Variants in MAGI3 observed in about 807,000 individuals in gnomAD.
MAGI3 encodes the protein membrane associated guanylate kinase, WW and PDZ domain containing 3, also known as membrane-associated guanylate kinase, WW and PDZ domain-containing protein 3.
A neutral mutation model predicts 121.8 loss-of-function variants in MAGI3; 43 were observed. That is an observed-to-expected ratio of 0.35 (90% CI 0.28 to 0.46). The LOEUF (loss-of-function observed/expected upper bound fraction) is 0.46, where lower values mean the gene tolerates loss of function less well. Among genes scored for constraint, MAGI3 ranks in the 20% least tolerant of loss-of-function variants. The pLI, the probability that MAGI3 is intolerant of heterozygous loss-of-function variation, is 1.00. For synonymous variants in MAGI3, 553 were observed against 639.3 expected, an observed-to-expected ratio of 0.86 and a Z score of 2.04; for missense variants, 1,547 against 1,797.3, an observed-to-expected ratio of 0.86 and a Z score of 2.52.
chr1:113,580,739 G>T (rs1647969596), intron 3 of MAGI3, 78 bp downstream of exon 3: 1 of 1,353,544 alleles, frequency 7.4e-7, no homozygotes, highest in African/African-American at 1.5e-5. Context: ...AATTTGACCA[G>T]TAAAGTACCA....
rs544687258 is a variant in MAGI3 at position 113,480,509 on chromosome 1, G to A, written c.317-69006G>A. Among the ~76,000 whole-genome samples the A allele has an allele frequency of 2.6e-5, 4 of 152,330 alleles. No homozygotes were observed. The East Asian group carries it at 7.7e-4, about 29-fold the overall frequency. ...GTTGACCTGGATGTTAGCTCTGTAG[G>A]AGTGGACCTGGAGCCTGGGGCTATA... On this transcript the variant is annotated intron_variant, in intron 1 of 20. Transcript: ENST00000307546.
chr1:113,401,742 CT>C (rs1277972854), intron 1 of MAGI3, among the ~76,000 whole-genome samples: 3 of 152,130 alleles, frequency 2.0e-5, no homozygotes, highest in African/African-American at 7.2e-5. Flanking sequence ...AATTAGGGAT[CT>C]TTTATAAGTA....
At chr1:113,538,629 T>C (rs1042537176) in intron 1 of MAGI3, among the ~76,000 whole-genome samples, 1 of 152,234 alleles carries the variant, frequency 6.6e-6, no homozygotes, top group African/African-American at 2.4e-5. Context: ...TTTTCACTTT[T>C]TCTACTCTGT....
intron 1 of MAGI3, among the ~76,000 whole-genome samples, chr1:113,549,160 G>A (rs898646325): frequency 1.3e-5 from 2 of 152,172 alleles, no homozygotes; most frequent in African/African-American, 4.8e-5. Flanking sequence ...CTTGGCAGAG[G>A]TAGATCAAGG....
In MAGI3 at chr1:113,586,079, C is replaced by A. The variant is rs191494212; in HGVS notation, c.763+483C>A. Among the ~76,000 whole-genome samples the A allele has an allele frequency of 1.5e-4, 23 of 152,158 alleles. No homozygotes were observed. In the East Asian group the frequency reaches 4.4e-3, roughly 29 times the overall value. ...TCAAAGAAAAATTTCAAATATGAGA[C>A]CCTTCATTAAATGTAAAACCAACAG... On this transcript the variant is annotated intron_variant, in intron 4 of 20. Transcript: ENST00000307546.
At position 113,539,158 on chromosome 1, in the gene MAGI3, G is replaced by T. The variant is rs535862313; in HGVS notation, c.317-10357G>T. Reference sequence around the variant, plus strand: ...TCCTGTAATCCCAGCACTTTGGGAGGCCAGGGCGGGTGGATCATGAGGTCA... The same window carrying T: ...TCCTGTAATCCCAGCACTTTGGGAGTCCAGGGCGGGTGGATCATGAGGTCA... On this transcript the variant is annotated intron_variant, in intron 1 of 20. Transcript: ENST00000307546. 2.1e-4 allele frequency among the ~76,000 whole-genome samples: 32 copies of T among 152,260 alleles called. 1 individual carries two copies. Among genetic ancestry groups the T allele is most frequent in the Admixed American group, 1.2e-3 (19 of 15,288 alleles).
At chr1:113,426,584 T>G (rs951150794) in intron 1 of MAGI3, among the ~76,000 whole-genome samples, 15 of 152,216 alleles carry the variant, frequency 9.9e-5, no homozygotes, top group Admixed American at 1.3e-4. Flanking sequence ...ATTTGGTACA[T>G]GCACATTTAG....
chr1:113,617,588 C>T (rs1040200906), intron 7 of MAGI3, among the ~76,000 whole-genome samples: 1 of 152,102 alleles, frequency 6.6e-6, no homozygotes, highest in Non-Finnish European at 1.5e-5. Context: ...CGTCTACTCT[C>T]CTCTCCCACA....
In MAGI3 at chr1:113,585,635, G is replaced by T; in HGVS notation, c.763+39G>T. The T allele has an allele frequency of 4.6e-6, 7 of 1,531,222 alleles. No individual in the cohort carries two copies. The South Asian group carries it at 7.1e-5, about 15-fold the overall frequency. 94.9% of individuals were successfully genotyped at this position (1,531,222 alleles called of 1,614,324 possible). ...TGAACAACTTCTAACTGATCTTCTA[G>T]ATTGATTTTACTATTACGTTGAATT... On this transcript the variant is annotated intron_variant, in intron 4 of 20. Transcript: ENST00000307546.
intron 1 of MAGI3, among the ~76,000 whole-genome samples, chr1:113,478,042 G>A (rs922180165): frequency 1.9e-4 from 29 of 152,136 alleles, no homozygotes; most frequent in African/African-American, 5.5e-4. Flanking sequence ...TTGTGCAGGC[G>A]TCACGAAGTT....
chr1:113,465,046 C>T (rs1282172993), intron 1 of MAGI3, among the ~76,000 whole-genome samples: 1 of 152,094 alleles, frequency 6.6e-6, no homozygotes, highest in African/African-American at 2.4e-5. Context: ...GTGCTTTCGA[C>T]ATCCTACACA....
At chr1:113,520,072 A>G (rs1459449342) in intron 1 of MAGI3, among the ~76,000 whole-genome samples, 1 of 152,208 alleles carries the variant, frequency 6.6e-6, no homozygotes, top group African/African-American at 2.4e-5. Context: ...TCATACATCC[A>G]TGCCTGTTTG....
chr1:113,427,319 C>A (rs1317423334), intron 1 of MAGI3, among the ~76,000 whole-genome samples: 1 of 152,194 alleles, frequency 6.6e-6, no homozygotes, highest in African/African-American at 2.4e-5. Flanking sequence ...CTTGCCAGTG[C>A]CATCTGGCCC....
chr1:113,565,317 T>A (rs555844291), intron 2 of MAGI3, among the ~76,000 whole-genome samples: 1 of 152,358 alleles, frequency 6.6e-6, no homozygotes, highest in South Asian at 2.1e-4. Context: ...TTACAAAGTA[T>A]GTTGTTTCAT....
chr1:113,442,419 C>G (rs1653961490), intron 1 of MAGI3, among the ~76,000 whole-genome samples: 1 of 151,986 alleles, frequency 6.6e-6, no homozygotes, highest in Non-Finnish European at 1.5e-5. Context: ...TTTTCTAAGC[C>G]TAAAACATTG....
chr1:113,683,722 GA>G lies in MAGI3; in HGVS notation c.4157del (p.Lys1386ArgfsTer3). On this transcript the variant is annotated frameshift_variant, in exon 21 of 21. Coordinates refer to ENST00000307546, the MANE Select transcript of MAGI3 (RefSeq NM_001142782.2). LOFTEE classifies it low-confidence loss of function (END_TRUNC). Reference protein sequence around the residue: ...TSKEVSENEKGKKVTTGETSS... With the variant: ...TSKEVSENEKXKKVTTGETSS... ...AAAGAAGTATCTGAAAATGAAAAAG[GA>G]AAGAAAGTAACCACAGGAGAAACAA... is the stretch of plus-strand genomic sequence containing the variant. 1 of 1,598,470 alleles carries G rather than the reference GA, an allele frequency of 6.3e-7. No individual in the cohort carries two copies. The highest frequency in any genetic ancestry group is 8.5e-7 in the Non-Finnish European group (1 of 1,172,460).
At chr1:113,605,235 A>G (rs1401025323) in intron 6 of MAGI3, among the ~76,000 whole-genome samples, 1 of 152,118 alleles carries the variant, frequency 6.6e-6, no homozygotes, top group Non-Finnish European at 1.5e-5. Flanking sequence ...AAACCTGGAA[A>G]CATCCCAGAT....
chr1:113,460,811 A>T (rs1197248963), intron 1 of MAGI3, among the ~76,000 whole-genome samples: 2 of 151,846 alleles, frequency 1.3e-5, no homozygotes, highest in African/African-American at 4.8e-5. Context: ...TCCATCTCAA[A>T]GAAAAAAAAA....
In MAGI3 at chr1:113,683,873, T is replaced by G; in HGVS notation, c.4305T>G (p.Ala1435=). Residue 1435 remains alanine, a synonymous_variant, in exon 21 of 21, where the codon GCT becomes GCG. Transcript: ENST00000307546. ...EDHKGKELEA[A]DKNKETGRFK... is the part of the protein sequence containing the mutation. ...ACAAAGGGAAAGAACTAGAGGCAGC[T>G]GACAAAAACAAAGAGACTGGAAGGT... is the stretch of plus-strand genomic sequence containing the variant. 1 of 1,612,638 alleles carries G rather than the reference T, an allele frequency of 6.2e-7. No individual in the cohort carries two copies. The highest frequency in any genetic ancestry group is 8.5e-7 in the Non-Finnish European group (1 of 1,179,384).
Sources: allele counts gnomAD v4.1 joint callset (sites outside exome capture counted in the v4.1 genomes callset), GRCh38; gene constraint gnomAD v4.1.1; transcripts MANE v1.5; gene names NCBI Gene and HGNC (gene_info 2026-07-23, HGNC 2026-07-21).